Variants in PLEKHH2 observed in about 807,000 individuals in gnomAD.
PLEKHH2 encodes the protein pleckstrin homology domain-containing family H member 2.
Under a neutral mutation model 187.9 loss-of-function variants are expected in PLEKHH2, and 129 were observed. The observed-to-expected ratio is 0.69, with a 90% CI of 0.59 to 0.79. The LOEUF (loss-of-function observed/expected upper bound fraction) is 0.79. Ranked by LOEUF, PLEKHH2 falls within the 30% of genes least tolerant of loss-of-function variation. The pLI is 0.00. For synonymous variants in PLEKHH2, 686 were observed against 605.6 expected (o/e 1.13, Z -1.95); for missense variants, 2,076 against 1,751.2 (o/e 1.19, Z -3.31).
At chr2:43,721,393 C>T (rs1482010000) in intron 16 of PLEKHH2, among the ~76,000 whole-genome samples, 3 of 152,112 alleles carry the variant, frequency 2.0e-5, no homozygotes, top group Non-Finnish European at 2.9e-5. Flanking sequence ...GATGACTGCT[C>T]CTCTGAAGAG....
At chr2:43,754,089 G>A (rs1672108058) in intron 25 of PLEKHH2, among the ~76,000 whole-genome samples, 1 of 151,368 alleles carries the variant, frequency 6.6e-6, no homozygotes, top group Non-Finnish European at 1.5e-5. Context: ...TAGTCTAATA[G>A]GAGTAAGTCC....
chr2:43,701,029 AG>A lies in PLEKHH2; in HGVS notation c.1650+422del, dbSNP rs199654605. Among the ~76,000 whole-genome samples the A allele has an allele frequency of 1.1e-3, 167 of 152,206 alleles. 2 individuals are homozygous for A. The East Asian group carries it at 0.031, about 28-fold the overall frequency. On this transcript the variant is annotated intron_variant, in intron 8 of 29. Coordinates refer to ENST00000282406, the MANE Select transcript of PLEKHH2 (RefSeq NM_172069.4). Reference sequence around the variant, plus strand: ...AATTTCTTCTTCTCTTCCCTCACTGAGTTCTGAATCAATTGAGAAATAAGAT... The same window carrying A: ...AATTTCTTCTTCTCTTCCCTCACTGATTCTGAATCAATTGAGAAATAAGAT...
intron 2 of PLEKHH2, chr2:43,676,257 C>A: frequency 6.2e-7 from 1 of 1,613,724 alleles, no homozygotes; most frequent in South Asian, 1.1e-5. Context: ...ACATAGTTAT[C>A]AAAACCCAGG....
chr2:43,745,535 A>C (rs1439504587), intron 23 of PLEKHH2, among the ~76,000 whole-genome samples: 1 of 152,166 alleles, frequency 6.6e-6, no homozygotes, highest in Non-Finnish European at 1.5e-5. Context: ...TCGGAAGGTG[A>C]AAAACTTGCT....
intron 2 of PLEKHH2, among the ~76,000 whole-genome samples, chr2:43,666,345 G>A (rs1378467040): frequency 6.6e-6 from 1 of 151,048 alleles, no homozygotes; most frequent in Non-Finnish European, 1.5e-5. Flanking sequence ...CGCACGGTGC[G>A]CACACCCACT....
intron 4 of PLEKHH2, among the ~76,000 whole-genome samples, chr2:43,692,911 T>G (rs1037534352): frequency 6.6e-6 from 1 of 152,108 alleles, no homozygotes; most frequent in African/African-American, 2.4e-5. Flanking sequence ...TATTCAAACA[T>G]TTGAGTTTAT....
chr2:43,653,514 G>A (rs1297959970), intron 2 of PLEKHH2, among the ~76,000 whole-genome samples: 1 of 152,208 alleles, frequency 6.6e-6, no homozygotes, highest in East Asian at 1.9e-4. Context: ...CTTCTCTGAG[G>A]ACTCTCCAGA....
At chr2:43,734,383 T>C (rs1374961827) in intron 19 of PLEKHH2, among the ~76,000 whole-genome samples, 1 of 152,160 alleles carries the variant, frequency 6.6e-6, no homozygotes, top group Non-Finnish European at 1.5e-5. Context: ...TTAAAGAATA[T>C]TAAATCATTC....
Position 43,758,923 on chromosome 2 carries a change from C to G in PLEKHH2, c.3965C>G (p.Thr1322Ser). The change falls in exon 27 of 30, where the codon ACC becomes AGC. Residue 1322 changes from threonine to serine, a missense_variant. Coordinates refer to ENST00000282406, the MANE Select transcript of PLEKHH2 (RefSeq NM_172069.4). ...AGGCAGCTTTGCCAGCGACTTTCAA[C>G]CAGATGGATGGCCCTCCGGGGACAC... ...QLRQLCQRLSTRWMALRGHSA... is the reference protein window; with the variant it reads ...QLRQLCQRLSSRWMALRGHSA... 1 of 1,592,840 alleles carries G rather than the reference C, an allele frequency of 6.3e-7. No individual in the cohort carries two copies. Among genetic ancestry groups the G allele is most frequent in the South Asian group, 1.1e-5 (1 of 87,548 alleles).
intron 19 of PLEKHH2, among the ~76,000 whole-genome samples, chr2:43,735,391 T>C (rs574538246): frequency 6.6e-6 from 1 of 152,242 alleles, no homozygotes; most frequent in East Asian, 1.9e-4. Flanking sequence ...TAGAGGTAGA[T>C]GGTAAAATAG....
chr2:43,668,771 G>A (rs573783760), intron 2 of PLEKHH2, among the ~76,000 whole-genome samples: 28 of 152,116 alleles, frequency 1.8e-4, no homozygotes, highest in Non-Finnish European at 3.4e-4. Flanking sequence ...CCAGGAGTTC[G>A]AGACCTGCTT....
intron 3 of PLEKHH2, among the ~76,000 whole-genome samples, chr2:43,685,630 C>A (rs538984902): frequency 1.4e-5 from 2 of 139,836 alleles, no homozygotes; most frequent in South Asian, 2.3e-4. Flanking sequence ...TTTGTAGAGA[C>A]GATGTCTCAC....
At chr2:43,747,093 TCTCTCTCTCTCTCTCC>T (rs1014761300) in intron 24 of PLEKHH2, among the ~76,000 whole-genome samples, 1 of 111,196 alleles carries the variant, frequency 9.0e-6, no homozygotes, top group Non-Finnish European at 1.7e-5. Context: ...TTTCTTTCTG[TCTCTCTCTCTCTCTCC>T]CTCTCTCTCT....
chr2:43,640,344 G>A (rs1035141649), intron 1 of PLEKHH2, among the ~76,000 whole-genome samples: 4 of 151,758 alleles, frequency 2.6e-5, no homozygotes, highest in South Asian at 2.1e-4. Context: ...TAAGCTCCCC[G>A]ACGCTTAGCT....
chr2:43,659,163 C>CTTTTTTTCTTTTTT (rs1553330376), intron 2 of PLEKHH2, among the ~76,000 whole-genome samples: 13 of 148,046 alleles, frequency 8.8e-5, no homozygotes, highest in African/African-American at 2.6e-4. Flanking sequence ...ATATTTTTTT[C>CTTTTTTTCTTTTTT]TTTTTTTTGG....
intron 2 of PLEKHH2, among the ~76,000 whole-genome samples, chr2:43,646,026 T>C (rs986738072): frequency 1.3e-5 from 2 of 152,140 alleles, no homozygotes; most frequent in African/African-American, 2.4e-5. Flanking sequence ...TGCATATATA[T>C]CATCTCAAAC....
intron 19 of PLEKHH2, among the ~76,000 whole-genome samples, chr2:43,737,778 C>T (rs906467469): frequency 6.6e-6 from 1 of 152,140 alleles, no homozygotes; most frequent in Non-Finnish European, 1.5e-5. Flanking sequence ...TTAGAAATGG[C>T]GTGCCACATG....
chr2:43,728,334 C>T (rs1670871261), intron 17 of PLEKHH2, among the ~76,000 whole-genome samples: 1 of 151,596 alleles, frequency 6.6e-6, no homozygotes, highest in Non-Finnish European at 1.5e-5. Context: ...CAAAAAGTAG[C>T]TGGACGTGGT....
chr2:43,720,578 G>C, intron 15 of PLEKHH2, 91 bp from the exon 16 acceptor site: 1 of 1,554,154 alleles, frequency 6.4e-7, no homozygotes, highest in Non-Finnish European at 8.7e-7. Flanking sequence ...CAAACTGGAT[G>C]CCTATAGAAA....
Sources: gnomAD v4.1 joint callset for allele counts (sites outside exome capture counted in the v4.1 genomes callset) on GRCh38, gnomAD v4.1.1 for gene constraint, MANE v1.5 for transcripts, NCBI Gene and HGNC (gene_info 2026-07-23, HGNC 2026-07-21) for gene names.